PHKA2: variants seen among roughly 807,000 people sequenced by gnomAD.
PHKA2 encodes the protein phosphorylase kinase regulatory subunit alpha 2.
Under a neutral mutation model 102.0 loss-of-function variants are expected in PHKA2, and 31 were observed. The ratio of observed to expected loss-of-function variants is 0.30; its 90% CI spans 0.23 to 0.41. The LOEUF (loss-of-function observed/expected upper bound fraction) is 0.41, where lower values mean the gene tolerates loss of function less well. Among genes scored for constraint, PHKA2 ranks in the 10% least tolerant of loss-of-function variants. The probability of loss-of-function intolerance (pLI) is 1.00; values close to 1 mark genes in which losing one functional copy is unlikely to be tolerated. For synonymous variants in PHKA2, 455 were observed against 416.2 expected (o/e 1.09, Z -1.13); for missense variants, 858 against 1,023.1 (o/e 0.84, Z 2.20).
chrX:18,897,520 T>C, intron 29 of PHKA2, 187 bp from the exon 30 acceptor site: 1 of 452,221 alleles, frequency 2.2e-6, no homozygotes, highest in Non-Finnish European at 3.8e-6. Flanking sequence ...TACTTTGGGT[T>C]GATCACTTCA....
At position 18,893,364 on chromosome X, in the gene PHKA2, A is replaced by T. The variant is rs1479745889; in HGVS notation, c.*121T>A. On this transcript the variant is annotated 3_prime_UTR_variant, in exon 33 of 33. Coordinates refer to ENST00000379942, the MANE Select transcript of PHKA2 (RefSeq NM_000292.3). ...GTGAGTGCTACCATTGCCCCCCGAG[A>T]GTGTTTCTGATGGGACATGCTTTCC... 21 of 696,680 alleles carry T rather than the reference A, an allele frequency of 3.0e-5. No individual in the cohort carries two copies. In the East Asian group the frequency reaches 5.1e-4, roughly 17 times the overall value. 57.4% of individuals were successfully genotyped at this position (696,680 alleles called of 1,213,427 possible).
intron 20 of PHKA2, among the ~76,000 whole-genome samples, chrX:18,909,731 T>C (rs1309425847): frequency 8.9e-6 from 1 of 112,391 alleles, no homozygotes; most frequent in African/African-American, 3.2e-5. Flanking sequence ...GACTTCACTC[T>C]CTTGTGAAGA....
intron 19 of PHKA2, 105 bp from the exon 20 acceptor site, chrX:18,911,065 G>A (rs2047916403): frequency 2.1e-6 from 1 of 468,290 alleles, no homozygotes; most frequent in Non-Finnish European, 3.8e-6. Flanking sequence ...GAGTGCACTG[G>A]TGTGATCTCG....
intron 25 of PHKA2, 55 bp from the exon 26 acceptor site, chrX:18,905,914 G>T: frequency 1.1e-6 from 1 of 876,275 alleles, no homozygotes. Context: ...GCGGGTAAAG[G>T]TAGGGTCAGG....
intron 13 of PHKA2, among the ~76,000 whole-genome samples, chrX:18,927,718 C>G (rs925103716): frequency 1.8e-5 from 2 of 111,880 alleles, no homozygotes; most frequent in East Asian, 5.6e-4. Context: ...TACAGCTGCA[C>G]GTGGACTGAA....
chrX:18,902,426 C>T lies in PHKA2; in HGVS notation c.2909-823G>A, dbSNP rs188958302. 6.3e-3 allele frequency among the ~76,000 whole-genome samples: 696 copies of T among 109,729 alleles called. 7 individuals carry two copies. The highest frequency in any genetic ancestry group is 0.022 in the African/African-American group (654 of 30,289). On this transcript the variant is annotated intron_variant, in intron 26 of 32. Coordinates refer to ENST00000379942, the MANE Select transcript of PHKA2 (RefSeq NM_000292.3). ...TGCTGGGATTACAGGCATGAACCAC[C>T]GTGCCCACCCTTGCTTTTGGATAAG... is the stretch of plus-strand genomic sequence containing the variant.
rs908764006 is a variant in PHKA2 at position 18,944,979 on chromosome X, CA to C, written c.618+98del. On this transcript the variant is annotated intron_variant, in intron 6 of 32. Coordinates refer to ENST00000379942, the MANE Select transcript of PHKA2 (RefSeq NM_000292.3). ...TCACATCCTTGATGCTGACTTTTGA[CA>C]AATATGCTAATCAGATTAAATACAA... 4.9e-6 allele frequency: 3 copies of C among 608,201 alleles called. No homozygotes were observed. In the African/African-American group the frequency reaches 6.6e-5, roughly 13 times the overall value. 50.1% of individuals were successfully genotyped at this position (608,201 alleles called of 1,213,427 possible).
chrX:18,975,966 T>C (rs1256129034), intron 1 of PHKA2, among the ~76,000 whole-genome samples: 6 of 102,613 alleles, frequency 5.8e-5, no homozygotes, highest in Non-Finnish European at 1.2e-4. Context: ...AAAGTCAAAT[T>C]CTTTTTTTTT....
In PHKA2 at chrX:18,984,013, G is replaced by T; in HGVS notation, c.-81C>A. On this transcript the variant is annotated 5_prime_UTR_variant, in exon 1 of 33. Transcript: ENST00000379942. The stretch of plus-strand genomic sequence containing the variant: ...GGGGCTGTGGCCTCCAAGCGGGTCT[G>T]GTTCCCGGACACTCACAGCCTTAGT... The T allele has an allele frequency of 2.4e-6, 2 of 828,042 alleles. No homozygotes were observed. Among genetic ancestry groups the T allele is most frequent in the Non-Finnish European group, 3.6e-6 (2 of 549,190 alleles). The allele number at this position is 828,042 out of a possible 1,213,427, so 68.2% of individuals were successfully genotyped here.
intron 27 of PHKA2, 90 bp from the exon 28 acceptor site, chrX:18,900,789 G>A (rs1456064792): frequency 3.0e-5 from 25 of 836,667 alleles, no homozygotes; most frequent in South Asian, 1.9e-4. Flanking sequence ...ATCCAGGGCC[G>A]TGTTGGTCAA....
chrX:18,983,551 C>T (rs1158235929), intron 1 of PHKA2, among the ~76,000 whole-genome samples: 2 of 111,909 alleles, frequency 1.8e-5, no homozygotes, highest in Non-Finnish European at 3.8e-5. Flanking sequence ...CTCTTCTCGT[C>T]CAAAAAAAGC....
intron 1 of PHKA2, among the ~76,000 whole-genome samples, chrX:18,961,210 C>A (rs1353395220): frequency 9.0e-6 from 1 of 111,653 alleles, no homozygotes; most frequent in Admixed American, 9.5e-5. Flanking sequence ...TAGTTAGGTA[C>A]CTAATAAATA....
rs961787639 is a variant in PHKA2, at chrX:18,897,494, T to C, written c.3112-161A>G. The C allele has an allele frequency of 2.3e-5, 11 of 478,777 alleles. 1 individual carries two copies. In the East Asian group the frequency reaches 2.6e-4, roughly 11 times the overall value. 39.5% of individuals were successfully genotyped at this position (478,777 alleles called of 1,213,427 possible). A position where few individuals can be genotyped will look rare whatever the true frequency, so the allele number is the denominator to read the frequency against. On this transcript the variant is annotated intron_variant, in intron 29 of 32. Coordinates refer to ENST00000379942, the MANE Select transcript of PHKA2 (RefSeq NM_000292.3). ...CCAGTCCACCTTGTCTGTTTCCTCA[T>C]GTGAGATGACTCGCATACTTTGGGT...
At chrX:18,957,903 A>G (rs1216163253) in intron 1 of PHKA2, among the ~76,000 whole-genome samples, 1 of 109,431 alleles carries the variant, frequency 9.1e-6, no homozygotes, top group Non-Finnish European at 1.9e-5. Context: ...CTTGTCACCC[A>G]GGTTGGAGTG....
At chrX:18,946,643 C>G (rs1016550796) in intron 5 of PHKA2, among the ~76,000 whole-genome samples, 1 of 109,870 alleles carries the variant, frequency 9.1e-6, no homozygotes, top group South Asian at 3.9e-4. Context: ...TCAAGCACCC[C>G]CTAGCCCACC....
At chrX:18,937,429 T>A (rs1413134133) in intron 10 of PHKA2, among the ~76,000 whole-genome samples, 1 of 111,247 alleles carries the variant, frequency 9.0e-6, no homozygotes, top group Non-Finnish European at 1.9e-5. Context: ...TCTACCAGCG[T>A]CCTTTGACAG....
rs149252917 is a variant in PHKA2 at position 18,908,817 on chromosome X, T to C, written c.2344A>G (p.Ile782Val). The change falls in exon 21 of 33, where the codon ATT (isoleucine) becomes GTT (valine). Residue 782 changes from isoleucine (I) to valine (V), a missense_variant. Ile to Val is a conservative substitution (Grantham distance 29). Transcript: ENST00000379942. Reference protein sequence around the residue: ...NLQDQADILYILYVIKGPSWD... With the variant: ...NLQDQADILYVLYVIKGPSWD... The stretch of plus-strand genomic sequence containing the variant: ...GACACTTACTTTATGACATAAAGAA[T>C]GTACAGAATGTCTGCTTGGTCCTGT... 4 of 1,207,812 alleles carry C rather than the reference T, an allele frequency of 3.3e-6. No homozygotes were observed. Among genetic ancestry groups the C allele is most frequent in the Non-Finnish European group, 3.4e-6 (3 of 891,709 alleles).
At chrX:18,974,312 C>T (rs4825239) in intron 1 of PHKA2, among the ~76,000 whole-genome samples, 14,183 of 111,000 alleles carry the variant, frequency 0.13, 790 homozygotes, top group East Asian at 0.33. Context: ...CTGTCCTTCC[C>T]TTCTCTCTTG....
intron 10 of PHKA2, among the ~76,000 whole-genome samples, chrX:18,936,823 C>A (rs2048400918): frequency 8.9e-6 from 1 of 112,046 alleles, no homozygotes; most frequent in Non-Finnish European, 1.9e-5. Context: ...TGTCATTGGG[C>A]AACAAGTGTG....
Sources: gnomAD v4.1 joint callset for allele counts (sites outside exome capture counted in the v4.1 genomes callset) on GRCh38, gnomAD v4.1.1 for gene constraint, MANE v1.5 for transcripts, NCBI Gene and HGNC (gene_info 2026-07-23, HGNC 2026-07-21) for gene names.